Variants in CDH7 observed in about 807,000 individuals in gnomAD.
CDH7 encodes cadherin 7.
A neutral mutation model predicts 71.8 loss-of-function variants in CDH7; 25 were observed. The ratio of observed to expected loss-of-function variants is 0.35; its 90% confidence interval spans 0.25 to 0.49. The LOEUF is 0.49. CDH7 is among the 20% of genes least tolerant of loss of function. The probability of loss-of-function intolerance (pLI) is 0.99; values close to 1 mark genes in which losing one functional copy is unlikely to be tolerated. For missense variants in CDH7, 862 were observed against 974.6 expected, an observed-to-expected ratio of 0.88 and a Z score of 1.54; for synonymous variants, 381 against 363.8, an observed-to-expected ratio of 1.05 and a Z score of -0.54.
chr18:65,770,522 A>G (rs905803008), intron 2 of CDH7, among the ~76,000 whole-genome samples: 1 of 152,230 alleles, frequency 6.6e-6, no homozygotes, highest in Non-Finnish European at 1.5e-5. Flanking sequence ...ATTACATTCA[A>G]TGTTGAAATA....
At chr18:65,853,431 A>G (rs2587445) in intron 7 of CDH7, among the ~76,000 whole-genome samples, 13,034 of 152,020 alleles carry the variant, frequency 0.086, 1,850 homozygotes, top group African/African-American at 0.3. Context: ...GATACATTAC[A>G]CTTCTCATTC....
intron 6 of CDH7, among the ~76,000 whole-genome samples, chr18:65,841,380 A>T (rs982807625): frequency 1.3e-5 from 2 of 152,198 alleles, no homozygotes; most frequent in African/African-American, 4.8e-5. Flanking sequence ...AATACTTGGT[A>T]TGCCTTTTGC....
chr18:65,817,047 G>A (rs958581201), intron 4 of CDH7, among the ~76,000 whole-genome samples: 40 of 152,140 alleles, frequency 2.6e-4, no homozygotes, highest in African/African-American at 8.9e-4. Context: ...GTTCTTAAAT[G>A]ATTAAGTTTA....
intron 2 of CDH7, among the ~76,000 whole-genome samples, chr18:65,783,812 GAC>G (rs1204234063): frequency 1.3e-5 from 2 of 152,034 alleles, no homozygotes; most frequent in African/African-American, 4.8e-5. Context: ...CCAAGAATAT[GAC>G]ACAGTTTACA....
At chr18:65,814,637 C>A in intron 4 of CDH7, 33 bp downstream of exon 4, 1 of 1,579,564 alleles carries the variant, frequency 6.3e-7, no homozygotes, top group Non-Finnish European at 8.6e-7. Context: ...CTTGTAAAGT[C>A]ATCATTTGTT....
intron 2 of CDH7, among the ~76,000 whole-genome samples, chr18:65,781,855 T>TC (rs1568181636): frequency 4.5e-5 from 4 of 89,264 alleles, no homozygotes; most frequent in African/African-American, 3.4e-4. Flanking sequence ...TCTTTCTTTC[T>TC]TTCTTTCTTT....
At chr18:65,832,357 T>C (rs1009722395) in intron 6 of CDH7, among the ~76,000 whole-genome samples, 1 of 152,096 alleles carries the variant, frequency 6.6e-6, no homozygotes, top group African/African-American at 2.4e-5. Flanking sequence ...TTTTAAAATA[T>C]ATATTTGAAA....
At chr18:65,861,795 G>C (rs1913573435) in intron 10 of CDH7, among the ~76,000 whole-genome samples, 1 of 151,992 alleles carries the variant, frequency 6.6e-6, no homozygotes, top group African/African-American at 2.4e-5. Context: ...GTTTGGAAGA[G>C]AGAAAAATAG....
chr18:65,816,095 AT>A (rs1173780013), intron 4 of CDH7, among the ~76,000 whole-genome samples: 1 of 152,180 alleles, frequency 6.6e-6, no homozygotes, highest in African/African-American at 2.4e-5. Context: ...AGACAATGGT[AT>A]ATGTCTTAGG....
At chr18:65,826,311 C>G (rs771992526) in intron 6 of CDH7, among the ~76,000 whole-genome samples, 4 of 151,046 alleles carry the variant, frequency 2.6e-5, no homozygotes, top group Non-Finnish European at 4.5e-5. Context: ...TCAGGCTTTT[C>G]TTTTTGAGTA....
chr18:65,857,012 G>C (rs1171957089), intron 7 of CDH7, among the ~76,000 whole-genome samples: 1 of 64,148 alleles, frequency 1.6e-5, no homozygotes, highest in Non-Finnish European at 3.1e-5. Flanking sequence ...CACTGAGTAA[G>C]ATTTAAAAAA....
chr18:65,859,440 G>C (rs532276541), intron 9 of CDH7, among the ~76,000 whole-genome samples: 1 of 152,162 alleles, frequency 6.6e-6, no homozygotes, highest in Non-Finnish European at 1.5e-5. Flanking sequence ...TCAGTGTCTT[G>C]TGATGTTTCC....
chr18:65,771,680 G>GA (rs374519867), intron 2 of CDH7, among the ~76,000 whole-genome samples: 1,405 of 136,392 alleles, frequency 0.01, 9 homozygotes, highest in Non-Finnish European at 0.015. Context: ...TGCCTCAAAA[G>GA]AAAAAAAAAA....
intron 2 of CDH7, among the ~76,000 whole-genome samples, chr18:65,774,920 C>A (rs1298510732): frequency 6.6e-6 from 1 of 152,096 alleles, no homozygotes. Context: ...TTGTGGGTAT[C>A]TGGAATGTTC....
intron 3 of CDH7, among the ~76,000 whole-genome samples, chr18:65,813,170 TA>T (rs1320887774): frequency 2.0e-5 from 3 of 152,002 alleles, no homozygotes; most frequent in Admixed American, 6.6e-5. Context: ...CTGTCTCTAT[TA>T]AAAATACAAA....
At chr18:65,846,482 A>G (rs1346292050) in intron 7 of CDH7, among the ~76,000 whole-genome samples, 5 of 152,304 alleles carry the variant, frequency 3.3e-5, no homozygotes, top group East Asian at 1.9e-4. Flanking sequence ...TTGCATTTGT[A>G]GAATTAATTT....
At chr18:65,847,914 A>G (rs1266782879) in intron 7 of CDH7, among the ~76,000 whole-genome samples, 2 of 152,128 alleles carry the variant, frequency 1.3e-5, no homozygotes, top group Non-Finnish European at 2.9e-5. Context: ...CTAAAATTGC[A>G]GTCAAAGCCA....
intron 7 of CDH7, among the ~76,000 whole-genome samples, chr18:65,848,459 A>G (rs12608157): frequency 0.017 from 2,591 of 152,328 alleles, 68 homozygotes; most frequent in African/African-American, 0.055. Flanking sequence ...ATTGTAAGAT[A>G]AATAATCAGC....
In CDH7 at chr18:65,844,018, T is replaced by C; in HGVS notation, c.1188T>C (p.Ile396=). 6.2e-7 allele frequency: 1 copy of C among 1,613,128 alleles called. No homozygotes were observed. The highest frequency in any genetic ancestry group is 8.5e-7 in the Non-Finnish European group (1 of 1,179,430). Reference sequence around the variant, plus strand: ...AAGCTACCCAGGTTGGGAATATCATTGGCACTGTAGCAGCTCATGACCCAG... The same window carrying C: ...AAGCTACCCAGGTTGGGAATATCATCGGCACTGTAGCAGCTCATGACCCAG... ...VSEATQVGNI[I]GTVAAHDPDS... Residue 396 remains isoleucine (I), a synonymous_variant, in exon 7 of 12, where the codon ATT becomes ATC. Transcript: ENST00000397968.
Sources: gnomAD v4.1 joint callset for allele counts (sites outside exome capture counted in the v4.1 genomes callset) on GRCh38, gnomAD v4.1.1 for gene constraint, MANE v1.5 for transcripts, NCBI Gene and HGNC (gene_info 2026-07-23, HGNC 2026-07-21) for gene names.